The following LSAMP variants were observed in gnomAD, a reference collection of about 807,000 sequenced individuals.
The protein encoded by LSAMP is limbic system-associated membrane protein.
LSAMP carries 7 observed loss-of-function variants against 38.6 expected under a neutral mutation model. That is an observed-to-expected ratio of 0.18 (90% CI 0.10 to 0.34). LSAMP has a LOEUF of 0.34. Among genes scored for constraint, LSAMP ranks in the 10% least tolerant of loss-of-function variants. The probability of loss-of-function intolerance (pLI) is 1.00; values close to 1 mark genes in which losing one functional copy is unlikely to be tolerated. For missense variants in LSAMP, 313 were observed against 420.0 expected (o/e 0.75, Z 2.23); for synonymous variants, 154 against 166.8 (o/e 0.92, Z 0.59).
intron 1 of LSAMP, among the ~76,000 whole-genome samples, chr3:116,148,220 G>T (rs1430220106): frequency 6.6e-6 from 1 of 150,660 alleles, no homozygotes; most frequent in Non-Finnish European, 1.5e-5. Flanking sequence ...AAAGAACAGA[G>T]GATTTTATTT....
intron 3 of LSAMP, among the ~76,000 whole-genome samples, chr3:115,897,106 C>T (rs1045238084): frequency 1.2e-4 from 18 of 152,018 alleles, no homozygotes; most frequent in Admixed American, 1.1e-3. Flanking sequence ...CATTGGTGAC[C>T]CTTACCAGAG....
At chr3:115,976,771 G>A (rs1939201386) in intron 3 of LSAMP, among the ~76,000 whole-genome samples, 1 of 152,216 alleles carries the variant, frequency 6.6e-6, no homozygotes, top group Non-Finnish European at 1.5e-5. Flanking sequence ...AAGGTGTGCG[G>A]CCCCTCCCTC....
At chr3:116,282,894 G>T (rs1324742553) in intron 1 of LSAMP, among the ~76,000 whole-genome samples, 2 of 152,020 alleles carry the variant, frequency 1.3e-5, no homozygotes, top group East Asian at 3.9e-4. Context: ...CCTTGTCAGT[G>T]TCCTTCTCAG....
chr3:116,194,633 T>C (rs1710838820), intron 1 of LSAMP, among the ~76,000 whole-genome samples: 1 of 152,174 alleles, frequency 6.6e-6, no homozygotes, highest in Non-Finnish European at 1.5e-5. Flanking sequence ...CTTGACGTCG[T>C]GATCCGCCCA....
chr3:116,132,238 CAAA>C lies in LSAMP; in HGVS notation c.156-45685_156-45683del, dbSNP rs71141854. Among the ~76,000 whole-genome samples, 215 of 145,768 alleles carry C rather than the reference CAAA, an allele frequency of 1.5e-3. 1 individual carries two copies. Among genetic ancestry groups the C allele is most frequent in the East Asian group, 9.6e-3 (48 of 4,992 alleles). On this transcript the variant is annotated intron_variant, in intron 1 of 6. Transcript: ENST00000490035. ...AATAACATGTTAACTATAGAACTAT[CAAA>C]AAAAAAAAAAAAGTCTAAATGGCTC...
chr3:115,925,193 G>A (rs1051703629), intron 3 of LSAMP, among the ~76,000 whole-genome samples: 5 of 152,050 alleles, frequency 3.3e-5, no homozygotes, highest in Admixed American at 2.0e-4. Flanking sequence ...AGGGAGCTTG[G>A]ACACATGGGC....
intron 1 of LSAMP, among the ~76,000 whole-genome samples, chr3:116,299,193 A>G (rs907087224): frequency 6.6e-6 from 1 of 152,334 alleles, no homozygotes; most frequent in Non-Finnish European, 1.5e-5. Flanking sequence ...TGGGAGAAGT[A>G]GAAACGACAT....
intron 1 of LSAMP, among the ~76,000 whole-genome samples, chr3:116,226,559 T>C (rs921355974): frequency 6.6e-6 from 1 of 152,238 alleles, no homozygotes. Context: ...CCCAGGAATA[T>C]GGACAATCCA....
intron 1 of LSAMP, among the ~76,000 whole-genome samples, chr3:116,118,512 G>C (rs1708803327): frequency 6.6e-6 from 1 of 152,062 alleles, no homozygotes; most frequent in African/African-American, 2.4e-5. Flanking sequence ...CACCATTCTT[G>C]TATATTTGTC....
At chr3:116,067,910 T>C (rs1329483399) in intron 2 of LSAMP, among the ~76,000 whole-genome samples, 1 of 152,148 alleles carries the variant, frequency 6.6e-6, no homozygotes, top group African/African-American at 2.4e-5. Context: ...ATTTAACAGT[T>C]TGTTAATTTG....
chr3:116,202,913 A>G (rs539071774), intron 1 of LSAMP, among the ~76,000 whole-genome samples: 1 of 152,332 alleles, frequency 6.6e-6, no homozygotes, highest in South Asian at 2.1e-4. Flanking sequence ...CACTGAAGTT[A>G]TAGAGGAAAG....
intron 1 of LSAMP, among the ~76,000 whole-genome samples, chr3:116,302,606 C>T (rs1993733): frequency 0.71 from 107,950 of 152,106 alleles, 41,233 homozygotes; most frequent in East Asian, 0.91. Context: ...AAATATGAGT[C>T]GTATTTGATT....
At chr3:116,179,736 G>A (rs1005267656) in intron 1 of LSAMP, among the ~76,000 whole-genome samples, 1 of 152,060 alleles carries the variant, frequency 6.6e-6, no homozygotes, top group African/African-American at 2.4e-5. Flanking sequence ...GATTGAATCA[G>A]CTCCCACCAG....
chr3:115,884,209 A>G (rs1263252006), intron 3 of LSAMP, among the ~76,000 whole-genome samples: 2 of 152,082 alleles, frequency 1.3e-5, no homozygotes, highest in African/African-American at 4.8e-5. Context: ...GGTGAATGGA[A>G]CTAATCTTCA....
chr3:116,199,164 A>ATTTT (rs765038768), intron 1 of LSAMP, among the ~76,000 whole-genome samples: 115 of 145,866 alleles, frequency 7.9e-4, no homozygotes, highest in African/African-American at 2.7e-3. Flanking sequence ...TTTGCTTGTG[A>ATTTT]TTTTTTTTTT....
chr3:116,171,183 G>GT (rs1710189775), intron 1 of LSAMP, among the ~76,000 whole-genome samples: 1 of 152,090 alleles, frequency 6.6e-6, no homozygotes, highest in Non-Finnish European at 1.5e-5. Flanking sequence ...GATTACATGG[G>GT]TTAATACAAA....
rs542448656 is a variant in LSAMP, at chr3:115,927,505, T to C, written c.515-74888A>G. ...TCTATTCCCAGAAAGCCCTTCTTCT[T>C]TCCAAAAGAAAGAGACAACCCCACC... On this transcript the variant is annotated intron_variant, in intron 3 of 6. Transcript: ENST00000490035. 6.4e-4 allele frequency among the ~76,000 whole-genome samples: 97 copies of C among 152,274 alleles called. 2 individuals carry two copies. The South Asian group carries it at 0.02, about 31-fold the overall frequency.
intron 1 of LSAMP, among the ~76,000 whole-genome samples, chr3:116,180,237 G>A (rs1342294281): frequency 3.9e-5 from 6 of 152,032 alleles, no homozygotes; most frequent in Non-Finnish European, 8.8e-5. Context: ...TTCAACTGAG[G>A]CAATGGACAT....
At chr3:116,298,381 C>T (rs2047364278) in intron 1 of LSAMP, among the ~76,000 whole-genome samples, 1 of 151,938 alleles carries the variant, frequency 6.6e-6, no homozygotes, top group Non-Finnish European at 1.5e-5. Context: ...TATTTGCTGG[C>T]TCCACATGTC....
Sources: allele counts gnomAD v4.1 joint callset (sites outside exome capture counted in the v4.1 genomes callset), GRCh38; gene constraint gnomAD v4.1.1; transcripts MANE v1.5; gene names NCBI Gene and HGNC (gene_info 2026-07-23, HGNC 2026-07-21).